The following FNIP1 variants were observed in gnomAD, a reference collection of about 807,000 sequenced individuals.
FNIP1 encodes the protein folliculin interacting protein 1.
FNIP1 carries 40 observed loss-of-function variants against 124.5 expected under a neutral mutation model. The ratio of observed to expected loss-of-function variants is 0.32; its 90% CI spans 0.25 to 0.42. The LOEUF is 0.42. Among genes scored for constraint, FNIP1 ranks in the 10% least tolerant of loss-of-function variants. The pLI is 1.00. For synonymous variants in FNIP1, 472 were observed against 470.6 expected (o/e 1.00, Z -0.04); for missense variants, 1,176 against 1,403.7 (o/e 0.84, Z 2.59).
chr5:131,746,030 T>G (rs191351470), intron 1 of FNIP1, among the ~76,000 whole-genome samples: 9 of 152,304 alleles, frequency 5.9e-5, no homozygotes, highest in Admixed American at 2.6e-4. Flanking sequence ...GATCTTTACT[T>G]TACAGTATGT....
chr5:131,772,459 G>C (rs1771670919), intron 1 of FNIP1, among the ~76,000 whole-genome samples: 1 of 150,812 alleles, frequency 6.6e-6, no homozygotes, highest in Non-Finnish European at 1.5e-5. Context: ...ATCTAAAAGT[G>C]ATTGATCTAA....
rs1767993543 is a variant in FNIP1, at chr5:131,679,018, T to C, written c.1349+11A>G. 1 of 1,582,074 alleles carries C rather than the reference T, an allele frequency of 6.3e-7. No homozygotes were observed. Among genetic ancestry groups the C allele is most frequent in the Non-Finnish European group, 8.6e-7 (1 of 1,160,296 alleles). ...AATCTAGATATCTAGTTATAATAAA[T>C]AAATTCATACTGATTTTTGGAAGCA... On this transcript the variant is annotated intron_variant, in intron 12 of 17. Coordinates refer to ENST00000510461, the MANE Select transcript of FNIP1 (RefSeq NM_133372.3).
At chr5:131,764,842 T>C (rs1474466130) in intron 1 of FNIP1, among the ~76,000 whole-genome samples, 1 of 152,136 alleles carries the variant, frequency 6.6e-6, no homozygotes, top group Admixed American at 6.5e-5. Flanking sequence ...TTTTCAGGCA[T>C]GAAAATGGCT....
In FNIP1 at chr5:131,642,514, T is replaced by C. The variant is rs1423363443; in HGVS notation, c.*2171A>G. On this transcript the variant is annotated 3_prime_UTR_variant, in exon 18 of 18. Coordinates refer to ENST00000510461, the MANE Select transcript of FNIP1 (RefSeq NM_133372.3). ...TTAAACATTTTAAATAAAGAACAGT[T>C]TGATGGTTAAGGAGACACCCAGACA... 1 of 152,022 alleles carries C rather than the reference T, an allele frequency of 6.6e-6. No homozygotes were observed. Among genetic ancestry groups the C allele is most frequent in the Non-Finnish European group, 1.5e-5 (1 of 67,988 alleles). 9.4% of individuals were successfully genotyped at this position (152,022 alleles called of 1,614,324 possible). A position where few individuals can be genotyped will look rare whatever the true frequency, so the allele number is the denominator to read the frequency against.
intron 11 of FNIP1, among the ~76,000 whole-genome samples, chr5:131,686,815 G>A (rs766759146): frequency 6.6e-6 from 1 of 151,388 alleles, no homozygotes; most frequent in Non-Finnish European, 1.5e-5. Flanking sequence ...TCCTCTCACC[G>A]TGGCCTCCCA....
intron 1 of FNIP1, among the ~76,000 whole-genome samples, chr5:131,787,702 T>C (rs10070574): frequency 0.092 from 14,064 of 152,206 alleles, 1,495 homozygotes; most frequent in African/African-American, 0.26. Flanking sequence ...AATGAGTTAA[T>C]AGGTGTAAAG....
chr5:131,747,826 A>G (rs1363555855), intron 1 of FNIP1, among the ~76,000 whole-genome samples: 2 of 152,176 alleles, frequency 1.3e-5, no homozygotes, highest in East Asian at 1.9e-4. Flanking sequence ...TTAAAAAATG[A>G]CACATCTGAA....
In FNIP1 at chr5:131,693,317, C is replaced by CATATATATATAT. The variant is rs1561658252; in HGVS notation, c.1202+5599_1202+5600insATATATATATAT. On this transcript the variant is annotated intron_variant, in intron 11 of 17. Transcript: ENST00000510461. Reference sequence around the variant, plus strand: ...ATATACATATATATATATATATATACACATATATATATATACATATATATA... The same window carrying CATATATATATAT: ...ATATACATATATATATATATATATACATATATATATATACATATATATATATACATATATATA... 1.1e-3 allele frequency among the ~76,000 whole-genome samples: 47 copies of CATATATATATAT among 41,578 alleles called. 2 individuals are homozygous for CATATATATATAT. Among genetic ancestry groups the CATATATATATAT allele is most frequent in the South Asian group, 6.1e-3 (7 of 1,146 alleles). The allele number at this position is 41,578 out of a possible 152,430, so 27.3% of individuals were successfully genotyped here. A position where few individuals can be genotyped will look rare whatever the true frequency, so the allele number is the denominator to read the frequency against.
chr5:131,653,298 G>A (rs1372805494), intron 15 of FNIP1, among the ~76,000 whole-genome samples: 3 of 152,264 alleles, frequency 2.0e-5, no homozygotes, highest in Non-Finnish European at 1.5e-5. Flanking sequence ...GGCACTTTGG[G>A]AGGCCAAGGT....
At chr5:131,682,853 G>T (rs1768137244) in intron 11 of FNIP1, among the ~76,000 whole-genome samples, 1 of 152,060 alleles carries the variant, frequency 6.6e-6, no homozygotes, top group African/African-American at 2.4e-5. Context: ...TTCCCAGTCT[G>T]TCCCCTTATT....
intron 3 of FNIP1, among the ~76,000 whole-genome samples, chr5:131,726,807 T>C (rs1034268460): frequency 1.3e-5 from 2 of 152,240 alleles, no homozygotes; most frequent in African/African-American, 2.4e-5. Context: ...TTTAGTGCTA[T>C]AAATTTCCCT....
chr5:131,690,004 A>G (rs138163594), intron 11 of FNIP1, among the ~76,000 whole-genome samples: 111 of 152,176 alleles, frequency 7.3e-4, no homozygotes, highest in Middle Eastern at 3.4e-3. Context: ...GTGGATCGCG[A>G]GGTCAGGAGA....
At chr5:131,751,378 T>C (rs1395686176) in intron 1 of FNIP1, among the ~76,000 whole-genome samples, 3 of 152,102 alleles carry the variant, frequency 2.0e-5, no homozygotes, top group Non-Finnish European at 4.4e-5. Context: ...AGTATCTTCA[T>C]CAGATTGTCT....
chr5:131,646,951 C>T (rs1766901990), intron 17 of FNIP1, 139 bp downstream of exon 17: 6 of 690,558 alleles, frequency 8.7e-6, no homozygotes, highest in African/African-American at 3.6e-5. Context: ...TTACATGGTA[C>T]AGGGCAACCT....
intron 1 of FNIP1, among the ~76,000 whole-genome samples, chr5:131,756,681 T>C (rs1444510648): frequency 1.3e-5 from 2 of 152,116 alleles, no homozygotes. Flanking sequence ...GTATGCAAGC[T>C]GGAGAGATGA....
At chr5:131,768,741 G>A (rs756610025) in intron 1 of FNIP1, among the ~76,000 whole-genome samples, 8 of 152,178 alleles carry the variant, frequency 5.3e-5, no homozygotes, top group Non-Finnish European at 8.8e-5. Context: ...TGAGGTTGCA[G>A]TGAGCCAAAA....
Position 131,717,703 on chromosome 5 carries a change from C to A in FNIP1, c.531-1047G>T, listed in dbSNP as rs915316748. Among the ~76,000 whole-genome samples the A allele has an allele frequency of 2.0e-5, 3 of 151,914 alleles. 1 individual carries two copies. Among genetic ancestry groups the A allele is most frequent in the Non-Finnish European group, 4.4e-5 (3 of 67,994 alleles). On this transcript the variant is annotated intron_variant, in intron 5 of 17. Coordinates refer to ENST00000510461, the MANE Select transcript of FNIP1 (RefSeq NM_133372.3). ...CTTTATGCTTTTAGTGCAAAATATC[C>A]TTTCTAGAGATTTTAGGAATTATCA...
chr5:131,728,597 T>C (rs1769972667), intron 3 of FNIP1, among the ~76,000 whole-genome samples: 1 of 152,184 alleles, frequency 6.6e-6, no homozygotes, highest in Admixed American at 6.5e-5. Flanking sequence ...TTTTCCAGGT[T>C]CTTAGCTTCC....
intron 1 of FNIP1, among the ~76,000 whole-genome samples, chr5:131,769,243 T>C (rs1334445437): frequency 6.6e-6 from 1 of 152,214 alleles, no homozygotes. Flanking sequence ...CAATAATTAA[T>C]ACTTGCTTAA....
Sources: allele counts gnomAD v4.1 joint callset (sites outside exome capture counted in the v4.1 genomes callset), GRCh38; gene constraint gnomAD v4.1.1; transcripts MANE v1.5; gene names NCBI Gene and HGNC (gene_info 2026-07-23, HGNC 2026-07-21).